The following CTCF variants were observed in gnomAD, a reference collection of about 807,000 sequenced individuals.
CTCF encodes the protein transcriptional repressor CTCF.
A neutral mutation model predicts 72.3 loss-of-function variants in CTCF; 7 were observed. The observed-to-expected ratio is 0.10, with a 90% CI of 0.06 to 0.18. CTCF has a LOEUF of 0.18. CTCF is among the 10% of genes least tolerant of loss of function. The pLI is 1.00. For synonymous variants in CTCF, 374 were observed against 315.8 expected, an observed-to-expected ratio of 1.18 and a Z score of -1.95; for missense variants, 516 against 949.1, an observed-to-expected ratio of 0.54 and a Z score of 6.00.
intron 2 of CTCF, among the ~76,000 whole-genome samples, chr16:67,590,673 T>A (rs2051730267): frequency 6.6e-6 from 1 of 151,176 alleles, no homozygotes; most frequent in Admixed American, 6.6e-5. Flanking sequence ...AGCACGGTGA[T>A]CGGCCAGGTG....
intron 10 of CTCF, among the ~76,000 whole-genome samples, chr16:67,634,836 T>C (rs2052409138): frequency 6.6e-6 from 1 of 151,574 alleles, no homozygotes; most frequent in Non-Finnish European, 1.5e-5. Context: ...CCTGAGTAGC[T>C]GGGATTACAG....
At chr16:67,633,652 C>T (rs1341892688) in intron 10 of CTCF, among the ~76,000 whole-genome samples, 1 of 152,092 alleles carries the variant, frequency 6.6e-6, no homozygotes, top group Non-Finnish European at 1.5e-5. Flanking sequence ...AGCCTGTAAT[C>T]CTAACACTTT....
chr16:67,609,710 G>A (rs1345880461), intron 2 of CTCF, among the ~76,000 whole-genome samples: 12 of 149,540 alleles, frequency 8.0e-5, no homozygotes, highest in East Asian at 2.0e-4. Flanking sequence ...TGCAAGCTCC[G>A]CCTCCCAGGT....
At chr16:67,575,833 C>T (rs1419814989) in intron 2 of CTCF, among the ~76,000 whole-genome samples, 2 of 151,794 alleles carry the variant, frequency 1.3e-5, no homozygotes, top group East Asian at 3.8e-4. Flanking sequence ...AAATATTGTG[C>T]CATAGGAAAA....
chr16:67,584,302 A>T (rs1211396855), intron 2 of CTCF, among the ~76,000 whole-genome samples: 1 of 146,750 alleles, frequency 6.8e-6, no homozygotes, highest in Non-Finnish European at 1.5e-5. Context: ...AGCCTGGATG[A>T]CGAACGGAAC....
chr16:67,573,454 T>A (rs1187317811), intron 2 of CTCF, among the ~76,000 whole-genome samples: 1 of 151,868 alleles, frequency 6.6e-6, no homozygotes, highest in Non-Finnish European at 1.5e-5. Flanking sequence ...TAAATAAATA[T>A]TAAATATTGT....
intron 2 of CTCF, among the ~76,000 whole-genome samples, chr16:67,599,360 G>A (rs7185433): frequency 0.15 from 22,496 of 152,068 alleles, 2,620 homozygotes; most frequent in African/African-American, 0.32. Flanking sequence ...GTGCCACTGC[G>A]CTCCAGCCTG....
chr16:67,616,731 C>G lies in CTCF; in HGVS notation c.953-14C>G. The stretch of plus-strand genomic sequence containing the variant: ...CTTGATCTTGCTCTTCCTGTTACTC[C>G]ATCCTTTCTCTAGGTACTCGTCCTC... On this transcript the variant is annotated splice_polypyrimidine_tract_variant and intron_variant, in intron 4 of 11. Coordinates refer to ENST00000264010, the MANE Select transcript of CTCF (RefSeq NM_006565.4). 6.2e-7 allele frequency: 1 copy of G among 1,613,930 alleles called. No individual in the cohort carries two copies. Among genetic ancestry groups the G allele is most frequent in the Non-Finnish European group, 8.5e-7 (1 of 1,179,852 alleles).
rs965087256 is a variant in CTCF, at chr16:67,598,948, A to G, written c.-9-11876A>G. On this transcript the variant is annotated intron_variant, in intron 2 of 11. Coordinates refer to ENST00000264010, the MANE Select transcript of CTCF (RefSeq NM_006565.4). ...AAACCAAACTGGTGAGTGGAAAGTA[A>G]GGAAAGAATTAGAGACAGCAAGTGT... is the stretch of plus-strand genomic sequence containing the variant. 2.6e-5 allele frequency among the ~76,000 whole-genome samples: 4 copies of G among 152,378 alleles called. No homozygotes were observed. In the East Asian group the frequency reaches 7.7e-4, roughly 29 times the overall value.
At chr16:67,570,377 G>A (rs566754832) in intron 1 of CTCF, among the ~76,000 whole-genome samples, 26 of 151,916 alleles carry the variant, frequency 1.7e-4, no homozygotes, top group African/African-American at 5.8e-4. Context: ...ACTGCGCCCA[G>A]CCAATAATTA....
At position 67,616,736 on chromosome 16, in the gene CTCF, T is replaced by C; in HGVS notation, c.953-9T>C. On this transcript the variant is annotated splice_polypyrimidine_tract_variant and intron_variant, in intron 4 of 11. Transcript: ENST00000264010. ...TCTTGCTCTTCCTGTTACTCCATCC[T>C]TTCTCTAGGTACTCGTCCTCACAAG... The C allele has an allele frequency of 6.2e-7, 1 of 1,613,966 alleles. No individual in the cohort carries two copies. The highest frequency in any genetic ancestry group is 8.5e-7 in the Non-Finnish European group (1 of 1,179,918).
chr16:67,607,601 C>T (rs966705288), intron 2 of CTCF, among the ~76,000 whole-genome samples: 12 of 152,030 alleles, frequency 7.9e-5, no homozygotes, highest in Admixed American at 3.3e-4. Context: ...CTACCGTGCC[C>T]GGCCCATTCA....
At chr16:67,596,545 C>T (rs1453566672) in intron 2 of CTCF, among the ~76,000 whole-genome samples, 1 of 151,750 alleles carries the variant, frequency 6.6e-6, no homozygotes, top group Non-Finnish European at 1.5e-5. Context: ...TTTTGTTCAA[C>T]ATGTTTTTGT....
rs577087748 is a variant in CTCF, at chr16:67,638,914, CAT to C, written c.*1043_*1044del. The stretch of plus-strand genomic sequence containing the variant: ...AGTGATTCTTGCACATGAACTGTCA[CAT>C]GTTTAAAAATGTGTTTTTTAGAGAG... On this transcript the variant is annotated 3_prime_UTR_variant, in exon 12 of 12. Coordinates refer to ENST00000264010, the MANE Select transcript of CTCF (RefSeq NM_006565.4). 101 of 205,464 alleles carry C rather than the reference CAT, an allele frequency of 4.9e-4. No individual in the cohort carries two copies. Among genetic ancestry groups the C allele is most frequent in the African/African-American group, 1.8e-3 (81 of 43,840 alleles). The allele number at this position is 205,464 out of a possible 1,614,324, so 12.7% of individuals were successfully genotyped here.
chr16:67,595,545 G>C (rs1356626055), intron 2 of CTCF, among the ~76,000 whole-genome samples: 1 of 151,866 alleles, frequency 6.6e-6, no homozygotes, highest in African/African-American at 2.4e-5. Flanking sequence ...TAACCATGTT[G>C]AATGTCTTCT....
In CTCF at chr16:67,628,585, A is replaced by T. The variant is rs759903390; in HGVS notation, c.1701+33A>T. 24 of 1,601,238 alleles carry T rather than the reference A, an allele frequency of 1.5e-5. No homozygotes were observed. The East Asian group carries it at 5.2e-4, about 34-fold the overall frequency. ...TCAGAACTTCACTTTGCCTGTTATG[A>T]TACTGAATATTGGATTTTTGGTCTT... On this transcript the variant is annotated intron_variant, in intron 9 of 11. Transcript: ENST00000264010.
chr16:67,626,783 A>G, intron 8 of CTCF, 68 bp downstream of exon 8: 1 of 1,160,210 alleles, frequency 8.6e-7, no homozygotes, highest in Non-Finnish European at 1.1e-6. Flanking sequence ...GCATTTACAT[A>G]TCTAGTACAG....
intron 2 of CTCF, among the ~76,000 whole-genome samples, chr16:67,590,674 C>G (rs186721500): frequency 6.6e-6 from 1 of 151,114 alleles, no homozygotes; most frequent in Non-Finnish European, 1.5e-5. Flanking sequence ...GCACGGTGAT[C>G]GGCCAGGTGT....
Position 67,567,646 on chromosome 16 carries a change from A to G in CTCF, c.-126-3502A>G, listed in dbSNP as rs1053237906. 3.9e-5 allele frequency among the ~76,000 whole-genome samples: 6 copies of G among 152,154 alleles called. No individual in the cohort carries two copies. In the East Asian group the frequency reaches 1.2e-3, roughly 29 times the overall value. Reference sequence around the variant, plus strand: ...ATAGCTGTTGCCCAGATAGGAGTGCAGTGGCATGATCATAGCTCACTGCAG... The same window carrying G: ...ATAGCTGTTGCCCAGATAGGAGTGCGGTGGCATGATCATAGCTCACTGCAG... On this transcript the variant is annotated intron_variant, in intron 1 of 11. Coordinates refer to ENST00000264010, the MANE Select transcript of CTCF (RefSeq NM_006565.4).
Sources: allele counts gnomAD v4.1 joint callset (sites outside exome capture counted in the v4.1 genomes callset), GRCh38; gene constraint gnomAD v4.1.1; transcripts MANE v1.5; gene names NCBI Gene and HGNC (gene_info 2026-07-23, HGNC 2026-07-21).